The following MAML3 variants were observed in gnomAD, a reference collection of about 807,000 sequenced individuals.
MAML3 encodes the protein mastermind-like protein 3.
In MAML3, 27 loss-of-function variants were observed where a neutral mutation model predicts 101.9. The ratio of observed to expected loss-of-function variants is 0.27; its 90% CI spans 0.20 to 0.37. MAML3 has a LOEUF of 0.37. Among genes scored for constraint, MAML3 ranks in the 10% least tolerant of loss-of-function variants. The probability of loss-of-function intolerance (pLI) is 1.00; values close to 1 mark genes in which losing one functional copy is unlikely to be tolerated. For missense variants in MAML3, 1,316 were observed against 1,444.9 expected (o/e 0.91, Z 1.45); for synonymous variants, 501 against 555.9 (o/e 0.90, Z 1.39).
chr4:139,868,626 T>C (rs1356455097), intron 2 of MAML3, among the ~76,000 whole-genome samples: 1 of 152,166 alleles, frequency 6.6e-6, no homozygotes, highest in African/African-American at 2.4e-5. Flanking sequence ...TTCTCATATA[T>C]AAATGGAGGT....
intron 1 of MAML3, among the ~76,000 whole-genome samples, chr4:140,043,963 CTGAGT>C (rs1163002128): frequency 1.3e-5 from 2 of 152,134 alleles, no homozygotes; most frequent in Admixed American, 6.5e-5. Context: ...CTAAAGCGAA[CTGAGT>C]TAAGTTCTAA....
At chr4:140,090,715 T>C (rs80254797) in intron 1 of MAML3, among the ~76,000 whole-genome samples, 4,431 of 152,312 alleles carry the variant, frequency 0.029, 90 homozygotes, top group Non-Finnish European at 0.048. Context: ...AGTCTGTGGC[T>C]ACTACTACAT....
intron 1 of MAML3, among the ~76,000 whole-genome samples, chr4:139,978,623 G>A (rs78525500): frequency 0.37 from 39,624 of 107,272 alleles, 6,978 homozygotes; most frequent in East Asian, 0.71. Context: ...AAAAAAAAGA[G>A]AGAGAGAGAG....
chr4:139,830,527 G>A (rs1207958723), intron 2 of MAML3, among the ~76,000 whole-genome samples: 1 of 147,370 alleles, frequency 6.8e-6, no homozygotes, highest in Non-Finnish European at 1.5e-5. Flanking sequence ...CCATTCTCCT[G>A]CCTCAGCCTC....
At chr4:139,979,788 G>A (rs1228779886) in intron 1 of MAML3, among the ~76,000 whole-genome samples, 1 of 152,148 alleles carries the variant, frequency 6.6e-6, no homozygotes, top group Non-Finnish European at 1.5e-5. Context: ...GAACCTGCTG[G>A]TGCCGTGATC....
chr4:139,889,516 T>TTGCTGCTGC lies in MAML3; in HGVS notation c.1911_1919dup (p.Gln648_Gln650dup). On this transcript the variant is annotated inframe_insertion, in exon 2 of 5. Transcript: ENST00000509479. ...GCTGCTGCTGCTGCTGCTGTTGCTG[T>TTGCTGCTGC]TGCTGCTGCTGTTGCTGCTGCTGGA... 1 of 1,609,646 alleles carries TTGCTGCTGC rather than the reference T, an allele frequency of 6.2e-7. No individual in the cohort carries two copies. Among genetic ancestry groups the TTGCTGCTGC allele is most frequent in the African/African-American group, 1.3e-5 (1 of 74,836 alleles).
chr4:140,068,719 T>A (rs542419962), intron 1 of MAML3, among the ~76,000 whole-genome samples: 45 of 152,354 alleles, frequency 3.0e-4, no homozygotes, highest in African/African-American at 1.1e-3. Flanking sequence ...TGTGAGGATT[T>A]AATATGTAAA....
intron 1 of MAML3, among the ~76,000 whole-genome samples, chr4:139,987,259 C>T (rs1250051099): frequency 6.6e-6 from 1 of 152,214 alleles, no homozygotes; most frequent in East Asian, 1.9e-4. Context: ...ATTTTGGCAT[C>T]ATACGACGTC....
chr4:140,059,222 A>G (rs1392707984), intron 1 of MAML3, among the ~76,000 whole-genome samples: 1 of 152,230 alleles, frequency 6.6e-6, no homozygotes, highest in East Asian at 1.9e-4. Flanking sequence ...TTGAGGAAGA[A>G]AAGAAAACCT....
intron 2 of MAML3, among the ~76,000 whole-genome samples, chr4:139,802,560 C>T (rs898019596): frequency 3.3e-5 from 5 of 152,126 alleles, no homozygotes; most frequent in Non-Finnish European, 4.4e-5. Context: ...ACAAAGATAA[C>T]GAACAATCCC....
chr4:140,083,215 G>T (rs1727891592), intron 1 of MAML3, among the ~76,000 whole-genome samples: 1 of 152,162 alleles, frequency 6.6e-6, no homozygotes. Flanking sequence ...CTACATTACA[G>T]CTCACCTTCT....
intron 2 of MAML3, chr4:139,889,152 G>T: frequency 1.0e-6 from 1 of 962,026 alleles, no homozygotes; most frequent in Non-Finnish European, 1.7e-6. Context: ...TGAAATACAC[G>T]AAAGTTTATC....
At chr4:140,091,529 C>CAACAA (rs1231664195) in intron 1 of MAML3, among the ~76,000 whole-genome samples, 1 of 21,440 alleles carries the variant, frequency 4.7e-5, no homozygotes, top group Non-Finnish European at 1.7e-4. Context: ...CAAAACAAAA[C>CAACAA]AACAAAACAA....
chr4:139,755,882 A>G (rs960647031), intron 2 of MAML3, among the ~76,000 whole-genome samples: 1 of 152,234 alleles, frequency 6.6e-6, no homozygotes, highest in Non-Finnish European at 1.5e-5. Context: ...GTAATTTCTA[A>G]TTCATTTAAT....
At chr4:140,002,314 T>C (rs1463438199) in intron 1 of MAML3, among the ~76,000 whole-genome samples, 1 of 152,246 alleles carries the variant, frequency 6.6e-6, no homozygotes, top group Non-Finnish European at 1.5e-5. Flanking sequence ...CACATTTGTC[T>C]TCCTGTGCCT....
At position 139,825,687 on chromosome 4, in the gene MAML3, C is replaced by T. The variant is rs76317162; in HGVS notation, c.2079+63670G>A. On this transcript the variant is annotated intron_variant, in intron 2 of 4. Transcript: ENST00000509479. Reference sequence around the variant, plus strand: ...GTATCCAGAGAGGCAATTTGCAGCGCGAGGTACAAAACACATCAACATCTC... The same window carrying T: ...GTATCCAGAGAGGCAATTTGCAGCGTGAGGTACAAAACACATCAACATCTC... Among the ~76,000 whole-genome samples the T allele has an allele frequency of 8.1e-4, 123 of 151,706 alleles. 1 individual carries two copies. The Middle Eastern group carries it at 0.01, about 13-fold the overall frequency.
At position 139,850,794 on chromosome 4, in the gene MAML3, T is replaced by A. The variant is rs575355323; in HGVS notation, c.2079+38563A>T. ...CCTGAGCTCAAGTGATTTACACACCTCAGCCTCCCAATGTATATTTTCTTT... is the reference window on the plus strand; with the variant it reads ...CCTGAGCTCAAGTGATTTACACACCACAGCCTCCCAATGTATATTTTCTTT... On this transcript the variant is annotated intron_variant, in intron 2 of 4. Transcript: ENST00000509479. 1.2e-4 allele frequency among the ~76,000 whole-genome samples: 19 copies of A among 152,190 alleles called. No individual in the cohort carries two copies. The South Asian group carries it at 3.5e-3, about 28-fold the overall frequency.
chr4:139,829,791 T>C (rs1731129592), intron 2 of MAML3, among the ~76,000 whole-genome samples: 1 of 152,210 alleles, frequency 6.6e-6, no homozygotes, highest in Admixed American at 6.5e-5. Flanking sequence ...AGCAAACAAG[T>C]TTTGCTAATT....
chr4:139,925,761 C>T (rs11939968), intron 1 of MAML3, among the ~76,000 whole-genome samples: 50,647 of 151,984 alleles, frequency 0.33, 9,483 homozygotes, highest in East Asian at 0.64. Flanking sequence ...AGTCTCTCTA[C>T]TCTTCTGTAC....
Sources: allele counts gnomAD v4.1 joint callset (sites outside exome capture counted in the v4.1 genomes callset), GRCh38; gene constraint gnomAD v4.1.1; transcripts MANE v1.5; gene names NCBI Gene and HGNC (gene_info 2026-07-23, HGNC 2026-07-21).